FOXP2: variants seen among roughly 807,000 people sequenced by gnomAD.
FOXP2 encodes the protein forkhead box protein P2.
In FOXP2, 12 loss-of-function variants were observed where a neutral mutation model predicts 115.8. The ratio of observed to expected loss-of-function variants is 0.10; its 90% CI spans 0.07 to 0.17. The LOEUF is 0.17. Ranked by LOEUF, FOXP2 falls within the 10% of genes least tolerant of loss-of-function variation. FOXP2 has a pLI of 1.00. For missense variants in FOXP2, 629 were observed against 843.5 expected (o/e 0.75, Z 3.15); for synonymous variants, 328 against 297.7 (o/e 1.10, Z -1.05).
At chr7:114,485,954 A>G (rs1250054487) in intron 2 of FOXP2, among the ~76,000 whole-genome samples, 1 of 152,214 alleles carries the variant, frequency 6.6e-6, no homozygotes, top group African/African-American at 2.4e-5. Flanking sequence ...CTAAAGACAT[A>G]GTCTCCTCAT....
intron 3 of FOXP2, among the ~76,000 whole-genome samples, chr7:114,545,004 C>A (rs1408585849): frequency 6.6e-6 from 1 of 152,046 alleles, no homozygotes; most frequent in Non-Finnish European, 1.5e-5. Flanking sequence ...CTATCCCAGA[C>A]TACTGAATTA....
chr7:114,570,980 C>T, intron 3 of FOXP2: 2 of 980,534 alleles, frequency 2.0e-6, no homozygotes, highest in Non-Finnish European at 1.6e-6. Context: ...TAGCCAATCC[C>T]TTCCATTGGT....
At chr7:114,433,117 G>A (rs1265411609) in intron 2 of FOXP2, among the ~76,000 whole-genome samples, 1 of 151,932 alleles carries the variant, frequency 6.6e-6, no homozygotes, top group Non-Finnish European at 1.5e-5. Context: ...TTAGAAGCTA[G>A]GGTGACGTTT....
intron 3 of FOXP2, among the ~76,000 whole-genome samples, chr7:114,553,695 G>A (rs1309679303): frequency 6.6e-6 from 1 of 152,036 alleles, no homozygotes; most frequent in African/African-American, 2.4e-5. Context: ...ACTTCCTTTT[G>A]ATAGCTCTGA....
chr7:114,446,799 C>T (rs1490088904), intron 2 of FOXP2, among the ~76,000 whole-genome samples: 1 of 149,764 alleles, frequency 6.7e-6, no homozygotes, highest in African/African-American at 2.5e-5. Context: ...GGCTGGAGTG[C>T]ATGCAGTGGG....
chr7:114,221,098 G>A (rs62469194), intron 1 of FOXP2, among the ~76,000 whole-genome samples: 5,071 of 151,960 alleles, frequency 0.033, 120 homozygotes, highest in African/African-American at 0.056. Flanking sequence ...ACCAATCTTT[G>A]GTTATTGAAG....
At chr7:114,240,496 T>C (rs1037455751) in intron 1 of FOXP2, among the ~76,000 whole-genome samples, 1 of 152,068 alleles carries the variant, frequency 6.6e-6, no homozygotes, top group Non-Finnish European at 1.5e-5. Context: ...AAATGCATCG[T>C]TTTGTTATAT....
chr7:114,529,091 A>C (rs1241741751), intron 2 of FOXP2, among the ~76,000 whole-genome samples: 1 of 151,938 alleles, frequency 6.6e-6, no homozygotes, highest in East Asian at 1.9e-4. Flanking sequence ...GCAATAGAAT[A>C]GTGAAGAACA....
At chr7:114,146,573 A>G (rs1792375154) in intron 1 of FOXP2, among the ~76,000 whole-genome samples, 1 of 152,218 alleles carries the variant, frequency 6.6e-6, no homozygotes, top group Non-Finnish European at 1.5e-5. Flanking sequence ...AGGGCATGTC[A>G]TTCATCAGAA....
intron 1 of FOXP2, among the ~76,000 whole-genome samples, chr7:114,253,308 C>A (rs1229711176): frequency 6.6e-6 from 1 of 152,008 alleles, no homozygotes; most frequent in Non-Finnish European, 1.5e-5. Flanking sequence ...TCTATTAGGT[C>A]CACTTGGTGC....
intron 2 of FOXP2, among the ~76,000 whole-genome samples, chr7:114,491,983 A>G (rs1474087911): frequency 6.6e-6 from 1 of 152,172 alleles, no homozygotes; most frequent in Admixed American, 6.5e-5. Context: ...TTCACAAGGA[A>G]TGGTACCAGC....
intron 1 of FOXP2, among the ~76,000 whole-genome samples, chr7:114,208,713 G>A (rs1343467226): frequency 4.6e-5 from 7 of 152,132 alleles, no homozygotes; most frequent in African/African-American, 1.7e-4. Flanking sequence ...CTGGTCTCAT[G>A]ATAGTGAATA....
chr7:114,500,457 A>G (rs1194226203), intron 2 of FOXP2, among the ~76,000 whole-genome samples: 2 of 152,062 alleles, frequency 1.3e-5, no homozygotes, highest in Non-Finnish European at 2.9e-5. Context: ...TATTATGTAT[A>G]CATATATTAA....
intron 2 of FOXP2, among the ~76,000 whole-genome samples, chr7:114,505,164 A>G (rs1376741091): frequency 6.6e-6 from 1 of 151,604 alleles, no homozygotes; most frequent in Non-Finnish European, 1.5e-5. Flanking sequence ...TCTCAGATTA[A>G]TTAAACAAGT....
At chr7:114,106,357 C>CT (rs1485330061) in intron 1 of FOXP2, among the ~76,000 whole-genome samples, 2 of 137,294 alleles carry the variant, frequency 1.5e-5, no homozygotes, top group African/African-American at 6.4e-5. Context: ...GCTGTCCCCT[C>CT]CTTTTTTTTT....
chr7:114,228,813 A>G lies in FOXP2; in HGVS notation c.-101-59206A>G, dbSNP rs898055896. On this transcript the variant is annotated intron_variant, in intron 1 of 17. Transcript: ENST00000634411. The stretch of plus-strand genomic sequence containing the variant: ...AACTACAAAAAAATCAATGAAACAC[A>G]AAGAGAGCAAGACAGGGAAAAAGGG... 2.6e-5 allele frequency among the ~76,000 whole-genome samples: 4 copies of G among 151,730 alleles called. No individual in the cohort carries two copies. The East Asian group carries it at 7.7e-4, about 29-fold the overall frequency.
At chr7:114,558,323 C>A (rs914037940) in intron 3 of FOXP2, among the ~76,000 whole-genome samples, 8 of 152,124 alleles carry the variant, frequency 5.3e-5, no homozygotes, top group African/African-American at 1.9e-4. Context: ...ATAGTTACTT[C>A]TTGAGGATAA....
At chr7:114,580,240 G>A (rs563727090) in intron 3 of FOXP2, among the ~76,000 whole-genome samples, 33 of 152,102 alleles carry the variant, frequency 2.2e-4, no homozygotes, top group East Asian at 7.7e-4. Flanking sequence ...ACCAATCATC[G>A]TCATCTTAAC....
At chr7:114,552,240 G>C (rs1800244811) in intron 3 of FOXP2, among the ~76,000 whole-genome samples, 1 of 152,132 alleles carries the variant, frequency 6.6e-6, no homozygotes, top group Admixed American at 6.5e-5. Context: ...TGACCTGCTG[G>C]TATTCCCTTC....
Sources: allele counts gnomAD v4.1 joint callset (sites outside exome capture counted in the v4.1 genomes callset), GRCh38; gene constraint gnomAD v4.1.1; transcripts MANE v1.5; gene names NCBI Gene and HGNC (gene_info 2026-07-23, HGNC 2026-07-21).